Variants in SUGCT observed in about 807,000 individuals in gnomAD.
SUGCT encodes the protein succinyl-CoA:glutarate CoA-transferase.
In SUGCT, 41 loss-of-function variants were observed where a neutral mutation model predicts 55.0. The ratio of observed to expected loss-of-function variants is 0.74; its 90% CI spans 0.58 to 0.97. SUGCT has a LOEUF of 0.97. Ranked by LOEUF, SUGCT falls within the 50% of genes least tolerant of loss-of-function variation. SUGCT has a pLI of 0.00. For missense variants in SUGCT, 568 were observed against 547.8 expected (o/e 1.04, Z -0.37); for synonymous variants, 187 against 200.4 (o/e 0.93, Z 0.56).
At chr7:40,686,466 G>T (rs1784470677) in intron 12 of SUGCT, among the ~76,000 whole-genome samples, 1 of 152,170 alleles carries the variant, frequency 6.6e-6, no homozygotes, top group South Asian at 2.1e-4. Flanking sequence ...GCTTAGAATG[G>T]TGCTTGACAC....
intron 7 of SUGCT, among the ~76,000 whole-genome samples, chr7:40,265,659 A>AAGG (rs1791521660): frequency 6.6e-6 from 1 of 151,270 alleles, no homozygotes; most frequent in Non-Finnish European, 1.5e-5. Flanking sequence ...GAAACAAACA[A>AAGG]AAAAAAAACC....
At chr7:40,470,006 A>G (rs1447752774) in intron 11 of SUGCT, among the ~76,000 whole-genome samples, 1 of 152,174 alleles carries the variant, frequency 6.6e-6, no homozygotes, top group African/African-American at 2.4e-5. Flanking sequence ...AAATGTGAGA[A>G]CTTAGAATTA....
chr7:40,735,944 C>T (rs772178183), intron 12 of SUGCT, among the ~76,000 whole-genome samples: 4 of 151,634 alleles, frequency 2.6e-5, no homozygotes, highest in Non-Finnish European at 5.9e-5. Flanking sequence ...TCAGAGGTGC[C>T]CTTAAGCACT....
chr7:40,737,547 G>A (rs778678638), intron 12 of SUGCT, among the ~76,000 whole-genome samples: 91 of 152,136 alleles, frequency 6.0e-4, no homozygotes, highest in Non-Finnish European at 1.2e-3. Context: ...ACACAAAACA[G>A]TATTCCTTTT....
intron 6 of SUGCT, among the ~76,000 whole-genome samples, chr7:40,206,274 C>T (rs1786969368): frequency 6.6e-6 from 1 of 152,104 alleles, no homozygotes; most frequent in Admixed American, 6.6e-5. Flanking sequence ...AGGATAAAAA[C>T]ATACATGTCA....
intron 9 of SUGCT, among the ~76,000 whole-genome samples, chr7:40,445,170 A>G (rs1441231659): frequency 6.6e-6 from 1 of 152,140 alleles, no homozygotes; most frequent in African/African-American, 2.4e-5. Flanking sequence ...AAGGAGATAG[A>G]GACACAAAAA....
intron 12 of SUGCT, among the ~76,000 whole-genome samples, chr7:40,556,941 C>G (rs184175550): frequency 3.3e-5 from 5 of 152,230 alleles, no homozygotes; most frequent in Admixed American, 3.3e-4. Context: ...CTACTCAAGG[C>G]GATCTCCAGA....
At chr7:40,361,501 G>T (rs936148100) in intron 9 of SUGCT, among the ~76,000 whole-genome samples, 6 of 151,814 alleles carry the variant, frequency 4.0e-5, no homozygotes, top group African/African-American at 1.5e-4. Flanking sequence ...GTGAATGCAG[G>T]AGGCGGAGCT....
At chr7:40,136,324 T>C (rs1787693366) in intron 1 of SUGCT, among the ~76,000 whole-genome samples, 1 of 152,158 alleles carries the variant, frequency 6.6e-6, no homozygotes, top group Non-Finnish European at 1.5e-5. Context: ...AAAAGAGCTT[T>C]AGGACTCATT....
chr7:40,523,254 A>G (rs553833174), intron 12 of SUGCT, among the ~76,000 whole-genome samples: 53 of 152,212 alleles, frequency 3.5e-4, no homozygotes, highest in African/African-American at 1.2e-3. Flanking sequence ...ATTTTATCTA[A>G]CATGCAGGCA....
chr7:41,026,900 C>T, the SUGCT span, among the ~76,000 whole-genome samples: 2,047 of 152,108 alleles, frequency 0.013, 46 homozygotes, highest in African/African-American at 0.045. Context: ...AGAGAGGTGG[C>T]GCATGCCTGT....
chr7:40,360,141 G>C (rs193240929), intron 9 of SUGCT, among the ~76,000 whole-genome samples: 1 of 152,234 alleles, frequency 6.6e-6, no homozygotes, highest in Middle Eastern at 3.4e-3. Context: ...AGCCTCCCAA[G>C]TAGCTGGGAT....
At chr7:40,357,064 A>T (rs1264649226) in intron 9 of SUGCT, among the ~76,000 whole-genome samples, 2 of 152,238 alleles carry the variant, frequency 1.3e-5, no homozygotes, top group Non-Finnish European at 2.9e-5. Flanking sequence ...CATCACTGGT[A>T]AATGGTTTTC....
intron 12 of SUGCT, among the ~76,000 whole-genome samples, chr7:40,627,297 C>G (rs996219020): frequency 2.0e-5 from 3 of 152,214 alleles, no homozygotes; most frequent in Non-Finnish European, 2.9e-5. Flanking sequence ...CATTCAAGGG[C>G]TGTGGATACA....
At chr7:40,830,613 CT>C (rs1792610690) in intron 13 of SUGCT, among the ~76,000 whole-genome samples, 1 of 152,190 alleles carries the variant, frequency 6.6e-6, no homozygotes, top group East Asian at 1.9e-4. Flanking sequence ...CAGAACAGGC[CT>C]GCCTTGATTA....
At chr7:40,145,580 G>C (rs1788203482) in intron 1 of SUGCT, among the ~76,000 whole-genome samples, 1 of 150,776 alleles carries the variant, frequency 6.6e-6, no homozygotes, top group African/African-American at 2.4e-5. Flanking sequence ...CTGTGGACTA[G>C]TCTAAGGCCA....
At chr7:40,525,776 A>G (rs1350964321) in intron 12 of SUGCT, among the ~76,000 whole-genome samples, 1 of 152,196 alleles carries the variant, frequency 6.6e-6, no homozygotes, top group African/African-American at 2.4e-5. Flanking sequence ...TGTCATTTAA[A>G]TACTTAGACA....
chr7:40,648,934 ACAG>A (rs762744952), intron 12 of SUGCT, among the ~76,000 whole-genome samples: 20 of 152,196 alleles, frequency 1.3e-4, no homozygotes, highest in South Asian at 2.1e-4. Context: ...GCAATTTGTT[ACAG>A]CAGCTCTAGG....
At chr7:40,735,945 C>CGG (rs1787131653) in intron 12 of SUGCT, among the ~76,000 whole-genome samples, 1 of 151,700 alleles carries the variant, frequency 6.6e-6, no homozygotes, top group Admixed American at 6.6e-5. Flanking sequence ...CAGAGGTGCC[C>CGG]TTAAGCACTT....
Sources: gnomAD v4.1 joint callset for allele counts (sites outside exome capture counted in the v4.1 genomes callset) on GRCh38, gnomAD v4.1.1 for gene constraint, MANE v1.5 for transcripts, NCBI Gene and HGNC (gene_info 2026-07-23, HGNC 2026-07-21) for gene names.